The following SSUH2 variants were observed in gnomAD, a reference collection of about 807,000 sequenced individuals.
SSUH2 encodes ssu-2 homolog, also known as protein SSUH2 homolog.
SSUH2 carries 47 observed loss-of-function variants against 55.3 expected under a neutral mutation model. That is an observed-to-expected ratio of 0.85 (90% CI 0.67 to 1.08). The LOEUF (loss-of-function observed/expected upper bound fraction) is 1.08, where lower values mean the gene tolerates loss of function less well. SSUH2 is among the 50% of genes least tolerant of loss of function. The pLI is 0.00. For missense variants in SSUH2, 535 were observed against 490.7 expected, an observed-to-expected ratio of 1.09 and a Z score of -0.85; for synonymous variants, 212 against 191.5, an observed-to-expected ratio of 1.11 and a Z score of -0.89.
At chr3:8,643,553 A>G (rs1701217426) in intron 1 of SSUH2, among the ~76,000 whole-genome samples, 1 of 152,250 alleles carries the variant, frequency 6.6e-6, no homozygotes, top group Admixed American at 6.5e-5. Flanking sequence ...TTCAATATGA[A>G]AAAAGATTCC....
intron 3 of SSUH2, among the ~76,000 whole-genome samples, chr3:8,672,557 T>G (rs754597163): frequency 1.3e-5 from 2 of 151,912 alleles, no homozygotes; most frequent in Non-Finnish European, 2.9e-5. Flanking sequence ...CAGCCTCTCC[T>G]CTCCATGGAT....
chr3:8,644,695 C>T (rs1175850679), intron 1 of SSUH2, 36 bp downstream of exon 1: 6 of 1,529,602 alleles, frequency 3.9e-6, no homozygotes, highest in Non-Finnish European at 5.3e-6. Context: ...AATATCTCCA[C>T]ACAGTCTTCC....
At chr3:8,653,332 A>G (rs372396808) in intron 7 of SSUH2, among the ~76,000 whole-genome samples, 36 of 152,360 alleles carry the variant, frequency 2.4e-4, no homozygotes, top group African/African-American at 8.7e-4. Context: ...AAAATCAAAG[A>G]TTCAAAAGAT....
chr3:8,681,424 G>A (rs1213626657), intron 1 of SSUH2, among the ~76,000 whole-genome samples: 3 of 150,314 alleles, frequency 2.0e-5, no homozygotes, highest in Admixed American at 1.3e-4. Context: ...CGGCGAGCCC[G>A]GGACTGAGAG....
chr3:8,651,352 G>A (rs1702381651), intron 7 of SSUH2, among the ~76,000 whole-genome samples: 1 of 152,158 alleles, frequency 6.6e-6, no homozygotes, highest in Admixed American at 6.5e-5. Flanking sequence ...CACTTGTTGG[G>A]ACCTCAGAAT....
At chr3:8,647,023 T>C (rs184854893), upstream of SSUH2, among the ~76,000 whole-genome samples, 3 of 152,330 alleles carry the variant, frequency 2.0e-5, no homozygotes, top group Admixed American at 2.0e-4. Flanking sequence ...GAACCTTGTT[T>C]TTTCCTGGAA....
intron 6 of SSUH2, 91 bp from the exon 7 acceptor site, chr3:8,629,817 G>T: frequency 8.1e-7 from 1 of 1,234,208 alleles, no homozygotes. Flanking sequence ...AGGTGGAGTG[G>T]ATCAGGACCA....
At chr3:8,633,082 T>C (rs1349156932) in intron 4 of SSUH2, among the ~76,000 whole-genome samples, 1 of 151,756 alleles carries the variant, frequency 6.6e-6, no homozygotes, top group East Asian at 1.9e-4. Flanking sequence ...AAGGCGTGTG[T>C]GTAGCATGCG....
chr3:8,634,680 G>A (rs1039204425), intron 3 of SSUH2: 5 of 964,312 alleles, frequency 5.2e-6, no homozygotes, highest in African/African-American at 3.4e-5. Flanking sequence ...TGGAGGAGAA[G>A]GGGGTTGCTT....
At chr3:8,676,873 G>C (rs1705372922) in intron 3 of SSUH2, among the ~76,000 whole-genome samples, 1 of 146,814 alleles carries the variant, frequency 6.8e-6, no homozygotes, top group African/African-American at 2.5e-5. Context: ...AGGGGAGGAG[G>C]CATCCCCCGT....
intron 5 of SSUH2, chr3:8,663,950 A>AG (rs1559517234): frequency 2.5e-6 from 1 of 405,332 alleles, no homozygotes; most frequent in East Asian, 7.5e-5. Context: ...TTAGACAGTG[A>AG]GGGATTCTTT....
chr3:8,639,693 A>G (rs764033827), intron 1 of SSUH2, among the ~76,000 whole-genome samples: 13 of 152,356 alleles, frequency 8.5e-5, no homozygotes, highest in Non-Finnish European at 1.6e-4. Flanking sequence ...CCTTGACTAC[A>G]GATGAGAAAG....
chr3:8,620,616 C>T (rs1696221605), intron 11 of SSUH2, among the ~76,000 whole-genome samples: 1 of 152,224 alleles, frequency 6.6e-6, no homozygotes, highest in African/African-American at 2.4e-5. Context: ...TCTTTAGCTA[C>T]CATTTGATTC....
chr3:8,680,175 G>C (rs1023519601), intron 1 of SSUH2, among the ~76,000 whole-genome samples: 2 of 152,188 alleles, frequency 1.3e-5, no homozygotes, highest in African/African-American at 2.4e-5. Flanking sequence ...TAAACAACTA[G>C]ACAGGGTTTC....
intron 6 of SSUH2, among the ~76,000 whole-genome samples, chr3:8,661,570 G>A (rs1703492481): frequency 6.6e-6 from 1 of 152,210 alleles, no homozygotes; most frequent in Admixed American, 6.5e-5. Context: ...ATGCTGACAG[G>A]AGGCGTGAGA....
intron 1 of SSUH2, among the ~76,000 whole-genome samples, chr3:8,641,743 T>C (rs911315518): frequency 5.3e-5 from 8 of 152,244 alleles, no homozygotes; most frequent in Non-Finnish European, 7.3e-5. Context: ...AGATCCCCCG[T>C]CAGTCACCAC....
intron 1 of SSUH2, among the ~76,000 whole-genome samples, chr3:8,681,551 G>T (rs148670650): frequency 6.4e-5 from 9 of 141,014 alleles, no homozygotes; most frequent in Non-Finnish European, 1.1e-4. Context: ...GACCCCCATG[G>T]GGGGCGGGAG....
chr3:8,635,721 G>A lies in SSUH2; in HGVS notation c.127+38C>T, dbSNP rs919836419. 8 of 1,509,976 alleles carry A rather than the reference G, an allele frequency of 5.3e-6. No homozygotes were observed. The African/African-American group carries it at 6.9e-5, about 13-fold the overall frequency. 93.5% of individuals were successfully genotyped at this position (1,509,976 alleles called of 1,614,324 possible). On this transcript the variant is annotated intron_variant, in intron 2 of 11. Coordinates refer to ENST00000544814, the MANE Select transcript of SSUH2 (RefSeq NM_001256748.3). ...ATCCCACCAACCAGCGTGAGCCCTAGGTAGAAGCCCAAAGAACCAAGCCCT... is the reference window on the plus strand; with the variant it reads ...ATCCCACCAACCAGCGTGAGCCCTAAGTAGAAGCCCAAAGAACCAAGCCCT...
chr3:8,640,722 T>C (rs1053651702), intron 1 of SSUH2, among the ~76,000 whole-genome samples: 2 of 152,096 alleles, frequency 1.3e-5, no homozygotes, highest in Admixed American at 6.5e-5. Flanking sequence ...TTGGGAGCCA[T>C]TGAAAAAATA....
Sources: gnomAD v4.1 joint callset for allele counts (sites outside exome capture counted in the v4.1 genomes callset) on GRCh38, gnomAD v4.1.1 for gene constraint, MANE v1.5 for transcripts, NCBI Gene and HGNC (gene_info 2026-07-23, HGNC 2026-07-21) for gene names.